The following NEK1 variants were observed in gnomAD, a reference collection of about 807,000 sequenced individuals.
NEK1 encodes the protein serine/threonine-protein kinase Nek1.
NEK1 carries 137 observed loss-of-function variants against 182.1 expected under a neutral mutation model. The ratio of observed to expected loss-of-function variants is 0.75; its 90% CI spans 0.65 to 0.87. The LOEUF is 0.87. NEK1 is among the 40% of genes least tolerant of loss of function. The pLI is 0.00. For missense variants in NEK1, 1,391 were observed against 1,494.4 expected, an observed-to-expected ratio of 0.93 and a Z score of 1.14; for synonymous variants, 513 against 492.2, an observed-to-expected ratio of 1.04 and a Z score of -0.56.
intron 23 of NEK1, among the ~76,000 whole-genome samples, chr4:169,488,895 C>T (rs1053644443): frequency 1.1e-4 from 16 of 151,988 alleles, no homozygotes; most frequent in African/African-American, 3.6e-4. Flanking sequence ...GATCTAAATA[C>T]TTACATTATG....
At chr4:169,535,705 C>G (rs1028445613) in intron 19 of NEK1, among the ~76,000 whole-genome samples, 1 of 151,060 alleles carries the variant, frequency 6.6e-6, no homozygotes, top group African/African-American at 2.4e-5. Flanking sequence ...AAGGTGAAGC[C>G]CTGTCTCTAC....
chr4:169,436,682 G>T (rs1738472724), intron 28 of NEK1, among the ~76,000 whole-genome samples: 1 of 152,220 alleles, frequency 6.6e-6, no homozygotes, highest in African/African-American at 2.4e-5. Context: ...CTTCTCAAAG[G>T]AAGACATGGC....
At chr4:169,463,529 G>A in intron 26 of NEK1, 134 bp from the exon 27 acceptor site, 1 of 469,674 alleles carries the variant, frequency 2.1e-6, no homozygotes. Context: ...GACTTTCAGG[G>A]AAAGAATGAT....
intron 27 of NEK1, among the ~76,000 whole-genome samples, chr4:169,445,188 T>A (rs191088922): frequency 2.6e-5 from 4 of 152,050 alleles, no homozygotes; most frequent in Non-Finnish European, 5.9e-5. Flanking sequence ...GGGAGGCTGA[T>A]GTAGGAGAAT....
chr4:169,600,602 T>C lies in NEK1; in HGVS notation c.215-1405A>G, dbSNP rs188582903. On this transcript the variant is annotated intron_variant, in intron 4 of 35. Transcript: ENST00000507142. ...TTGTAATGTGCCACTGGGATAAGAA[T>C]CTATATGATAAAGCTAATTAAGAAT... Among the ~76,000 whole-genome samples, 40 of 152,282 alleles carry C rather than the reference T, an allele frequency of 2.6e-4. No individual in the cohort carries two copies. In the South Asian group the frequency reaches 3.5e-3, roughly 13 times the overall value.
chr4:169,576,838 C>A, intron 12 of NEK1, 90 bp downstream of exon 12: 1 of 1,222,240 alleles, frequency 8.2e-7, no homozygotes, highest in East Asian at 2.6e-5. Flanking sequence ...TAAAAGTAAT[C>A]CTATAATATC....
chr4:169,394,759 C>T (rs1730414384), intron 35 of NEK1, among the ~76,000 whole-genome samples: 1 of 152,116 alleles, frequency 6.6e-6, no homozygotes, highest in Non-Finnish European at 1.5e-5. Flanking sequence ...TATATAAATC[C>T]TCCCACAATG....
chr4:169,422,097 C>T (rs1414244978), intron 31 of NEK1, among the ~76,000 whole-genome samples: 1 of 152,068 alleles, frequency 6.6e-6, no homozygotes, highest in Non-Finnish European at 1.5e-5. Flanking sequence ...CTCTGAAAAG[C>T]TAAGAAAGGT....
At chr4:169,585,605 A>C in intron 9 of NEK1, 56 bp from the exon 10 acceptor site, 2 of 1,098,124 alleles carry the variant, frequency 1.8e-6, no homozygotes, top group Non-Finnish European at 2.7e-6. Flanking sequence ...GAAACTGAGA[A>C]TATCGGTAAT....
chr4:169,563,416 C>T, intron 12 of NEK1, among the ~76,000 whole-genome samples: 1 of 151,676 alleles, frequency 6.6e-6, no homozygotes, highest in East Asian at 1.9e-4. Flanking sequence ...TAATTCTTTC[C>T]ATTTATTTTC....
chr4:169,495,239 CT>C (rs774183115), intron 23 of NEK1, among the ~76,000 whole-genome samples: 4,542 of 104,946 alleles, frequency 0.043, 24 homozygotes, highest in African/African-American at 0.057. Context: ...ACATTTAAGT[CT>C]TTTTTTTTTT....
intron 26 of NEK1, among the ~76,000 whole-genome samples, chr4:169,469,736 T>C (rs527508877): frequency 7.5e-4 from 114 of 152,304 alleles, no homozygotes; most frequent in African/African-American, 2.6e-3. Context: ...TCTCCCACTA[T>C]TATTATGTGG....
In NEK1 at chr4:169,445,849, C is replaced by CATATATATATATAT. The variant is rs70964204; in HGVS notation, c.2588-7604_2588-7591dup. Among the ~76,000 whole-genome samples, 312 of 140,176 alleles carry CATATATATATATAT rather than the reference C, an allele frequency of 2.2e-3. 4 individuals are homozygous for CATATATATATATAT. Among genetic ancestry groups the CATATATATATATAT allele is most frequent in the African/African-American group, 8.5e-3 (291 of 34,354 alleles). The allele number at this position is 140,176 out of a possible 152,430, so 92.0% of individuals were successfully genotyped here. A position where few individuals can be genotyped will look rare whatever the true frequency, so the allele number is the denominator to read the frequency against. ...AAACTTAAAACAAAACAACTATATA[C>CATATATATATATAT]ATATATATATATATATACACACACA... On this transcript the variant is annotated intron_variant, in intron 27 of 35. Transcript: ENST00000507142.
At chr4:169,594,625 A>G (rs914590103) in intron 5 of NEK1, among the ~76,000 whole-genome samples, 2 of 152,160 alleles carry the variant, frequency 1.3e-5, no homozygotes, top group Non-Finnish European at 2.9e-5. Context: ...ATTTTACAAT[A>G]TTTTGTCACT....
At chr4:169,424,827 G>C in intron 30 of NEK1, 27 bp from the exon 31 acceptor site, 6 of 1,590,258 alleles carry the variant, frequency 3.8e-6, no homozygotes, top group South Asian at 1.1e-5. Flanking sequence ...AGATTATGTG[G>C]TAAGTCTATA....
chr4:169,441,561 G>T (rs1411577829), intron 27 of NEK1, among the ~76,000 whole-genome samples: 1 of 152,202 alleles, frequency 6.6e-6, no homozygotes. Flanking sequence ...TAGACCTACT[G>T]TGCTAAGCAC....
chr4:169,602,223 A>C, intron 3 of NEK1, 119 bp from the exon 4 acceptor site: 1 of 713,918 alleles, frequency 1.4e-6, no homozygotes, highest in Middle Eastern at 2.9e-4. Flanking sequence ...AACAAAATAT[A>C]GCAAGAAGTT....
intron 27 of NEK1, among the ~76,000 whole-genome samples, chr4:169,451,520 T>C (rs1177713121): frequency 3.9e-5 from 6 of 152,022 alleles, no homozygotes; most frequent in Admixed American, 6.6e-5. Context: ...ACTGAACAAC[T>C]TGCTCCTGAA....
At chr4:169,408,642 GTCGCCGAAGTCCATTACA>G (rs1385689210) in intron 31 of NEK1, among the ~76,000 whole-genome samples, 1 of 152,026 alleles carries the variant, frequency 6.6e-6, no homozygotes, top group Non-Finnish European at 1.5e-5. Context: ...CCCCCCTTGA[GTCGCCGAAGTCCATTACA>G]TCACTCTTAT....
Sources: gnomAD v4.1 joint callset for allele counts (sites outside exome capture counted in the v4.1 genomes callset) on GRCh38, gnomAD v4.1.1 for gene constraint, MANE v1.5 for transcripts, NCBI Gene and HGNC (gene_info 2026-07-23, HGNC 2026-07-21) for gene names.